CNRIP1: variants seen among roughly 807,000 people sequenced by gnomAD.
The protein encoded by CNRIP1 is cannabinoid receptor interacting protein 1, also known as CB1 cannabinoid receptor-interacting protein 1.
A neutral mutation model predicts 15.2 loss-of-function variants in CNRIP1; 10 were observed. The observed-to-expected ratio is 0.66, with a 90% confidence interval of 0.41 to 1.12. The LOEUF is 1.12. Among genes scored for constraint, CNRIP1 ranks in the 50% most tolerant of loss-of-function variants. The pLI is 0.00. For synonymous variants in CNRIP1, 91 were observed against 83.2 expected (o/e 1.09, Z -0.51); for missense variants, 211 against 214.7 (o/e 0.98, Z 0.11).
In CNRIP1 at chr2:68,293,181, C is replaced by T; in HGVS notation, c.*681G>A. 6 of 985,488 alleles carry T rather than the reference C, an allele frequency of 6.1e-6. No individual in the cohort carries two copies. Among genetic ancestry groups the T allele is most frequent in the Non-Finnish European group, 7.2e-6 (6 of 829,972 alleles). The allele number at this position is 985,488 out of a possible 1,614,324, so 61.0% of individuals were successfully genotyped here. ...CAACTCCTGTCACTTTAACAATGGT[C>T]CACAGCAATGCTTTTCCCCCATTTC... On this transcript the variant is annotated 3_prime_UTR_variant, in exon 3 of 3. Coordinates refer to ENST00000263655, the MANE Select transcript of CNRIP1 (RefSeq NM_015463.3).
intron 2 of CNRIP1, among the ~76,000 whole-genome samples, chr2:68,301,736 A>G (rs79590614): frequency 1.3e-5 from 2 of 152,034 alleles, no homozygotes; most frequent in Non-Finnish European, 2.9e-5. Context: ...CTAAAAATAC[A>G]AAAAAATTGG....
intron 2 of CNRIP1, chr2:68,316,840 T>A: frequency 3.6e-6 from 2 of 560,962 alleles, no homozygotes; most frequent in South Asian, 4.7e-5. Context: ...ATCAGAAACT[T>A]TTCACAGCCA....
chr2:68,306,444 A>G (rs1287103436), intron 2 of CNRIP1, among the ~76,000 whole-genome samples: 1 of 152,144 alleles, frequency 6.6e-6, no homozygotes, highest in Non-Finnish European at 1.5e-5. Flanking sequence ...GTATTCCACT[A>G]TCTAATCTCT....
downstream of CNRIP1, among the ~76,000 whole-genome samples, chr2:68,292,526 T>C (rs1671200795): frequency 6.6e-6 from 1 of 152,234 alleles, no homozygotes; most frequent in Non-Finnish European, 1.5e-5. Flanking sequence ...ATAGGATTTG[T>C]GCTGCCCAAG....
At chr2:68,312,472 T>C (rs1672129282) in intron 2 of CNRIP1, among the ~76,000 whole-genome samples, 1 of 152,158 alleles carries the variant, frequency 6.6e-6, no homozygotes, top group African/African-American at 2.4e-5. Flanking sequence ...TTTAACCTGA[T>C]AAAAAGATTT....
chr2:68,319,495 C>G lies in CNRIP1; in HGVS notation c.-95G>C. 1 of 1,301,448 alleles carries G rather than the reference C, an allele frequency of 7.7e-7. No individual in the cohort carries two copies. The highest frequency in any genetic ancestry group is 1.0e-6 in the Non-Finnish European group (1 of 985,034). 80.6% of individuals were successfully genotyped at this position (1,301,448 alleles called of 1,614,324 possible). ...GAGCGCGAGGGGCGGAGAGGAAGCGCGGGGAGGGTGAGGGAGGTGGTGGAG... is the reference window on the plus strand; with the variant it reads ...GAGCGCGAGGGGCGGAGAGGAAGCGGGGGGAGGGTGAGGGAGGTGGTGGAG... On this transcript the variant is annotated 5_prime_UTR_variant, in exon 1 of 3. Transcript: ENST00000263655.
chr2:68,285,668 A>AAAAAAAGAAAAG lies in CNRIP1; in HGVS notation c.331-1185_331-1184insCTTTTCTTTTTT, dbSNP rs539747999. On this transcript the variant is annotated intron_variant, in intron 2 of 2. Coordinates refer to the CNRIP1 transcript ENST00000409559. ...CAAGACCCTGTCTCAAAAAAAAAAAAAAAAGAAAAGAAAAGAAAAGAAAAG... is the reference window on the plus strand; with the variant it reads ...CAAGACCCTGTCTCAAAAAAAAAAAAAAAAAAGAAAAGAAAAGAAAAGAAAAGAAAAGAAAAG... 8.3e-3 allele frequency among the ~76,000 whole-genome samples: 1,034 copies of AAAAAAAGAAAAG among 124,408 alleles called. 20 individuals carry two copies. The highest frequency in any genetic ancestry group is 0.028 in the African/African-American group (923 of 32,788). 81.6% of individuals were successfully genotyped at this position (124,408 alleles called of 152,430 possible).
chr2:68,284,374 G>GAAA, exon 3 of CNRIP1: 49 of 971,542 alleles, frequency 5.0e-5, no homozygotes, highest in South Asian at 3.1e-4. Flanking sequence ...AAATAATTTG[G>GAAA]AAAAAAAAAA....
At chr2:68,298,379 C>T (rs1671466961) in intron 2 of CNRIP1, among the ~76,000 whole-genome samples, 1 of 151,942 alleles carries the variant, frequency 6.6e-6, no homozygotes, top group Non-Finnish European at 1.5e-5. Flanking sequence ...TTGAAGGAAG[C>T]AGCTTAAAAT....
intron 2 of CNRIP1, chr2:68,315,777 G>C (rs1672246535): frequency 6.6e-6 from 1 of 152,122 alleles, no homozygotes; most frequent in Non-Finnish European, 1.5e-5. Flanking sequence ...CTGGATCCAA[G>C]TGATCCTCCT....
intron 2 of CNRIP1, among the ~76,000 whole-genome samples, chr2:68,296,233 T>C (rs570898820): frequency 5.3e-5 from 8 of 152,318 alleles, no homozygotes; most frequent in Admixed American, 4.6e-4. Context: ...CAGAATACCA[T>C]GAAGAACATG....
downstream of CNRIP1, among the ~76,000 whole-genome samples, chr2:68,288,067 G>GGCCAGCCAGCCGGCCGGCCAGCCA (rs1553413469): frequency 1.3e-5 from 2 of 149,758 alleles, no homozygotes; most frequent in African/African-American, 2.5e-5. Flanking sequence ...GCAGCCGGCC[G>GGCCAGCCAGCCGGCCGGCCAGCCA]GCCAGCCAGC....
intron 2 of CNRIP1, 79 bp from the exon 3 acceptor site, chr2:68,294,105 G>T (rs1671260393): frequency 5.5e-6 from 8 of 1,447,838 alleles, no homozygotes; most frequent in Admixed American, 3.7e-5. Flanking sequence ...TAGTGATGTA[G>T]CTCCTGGATA....
intron 2 of CNRIP1, among the ~76,000 whole-genome samples, chr2:68,284,845 C>T (rs1053178929): frequency 2.0e-5 from 3 of 151,180 alleles, no homozygotes; most frequent in Middle Eastern, 3.4e-3. Flanking sequence ...AAAACCACAG[C>T]GAAGCGAATT....
intron 2 of CNRIP1, among the ~76,000 whole-genome samples, chr2:68,285,818 C>T (rs554056642): frequency 3.3e-5 from 5 of 152,234 alleles, no homozygotes; most frequent in African/African-American, 9.6e-5. Flanking sequence ...CAACCACTGC[C>T]GCTATCAGGA....
chr2:68,305,035 C>T (rs190169573), intron 2 of CNRIP1, among the ~76,000 whole-genome samples: 164 of 152,012 alleles, frequency 1.1e-3, no homozygotes, highest in African/African-American at 3.7e-3. Flanking sequence ...ACCTGAGGTT[C>T]GGAGTTTGAG....
rs1193303527 is a variant in CNRIP1, at chr2:68,319,326, G to A, written c.75C>T (p.Tyr25=). The A allele has an allele frequency of 6.4e-7, 1 of 1,566,974 alleles. No individual in the cohort carries two copies. The highest frequency in any genetic ancestry group is 8.7e-7 in the Non-Finnish European group (1 of 1,155,650). ...GGCCGAAGCGCTGCCCGTCCACCTT[G>A]TAAAAGACCGGGCCGTCATTAGGCT... ...RIQPNDGPVF[Y]KVDGQRFGQN... Residue 25 remains tyrosine, a synonymous_variant, in exon 1 of 3, where the codon TAC becomes TAT. Transcript: ENST00000263655.
At chr2:68,287,111 T>C (rs538933366) in intron 2 of CNRIP1, among the ~76,000 whole-genome samples, 4 of 152,204 alleles carry the variant, frequency 2.6e-5, no homozygotes, top group South Asian at 2.1e-4. Flanking sequence ...CTTCTCCTAA[T>C]CCATATTGTG....
At chr2:68,288,067 GGCCAGCCAGCCA>G (rs70949693), downstream of CNRIP1, among the ~76,000 whole-genome samples, 3 of 149,880 alleles carry the variant, frequency 2.0e-5, no homozygotes, top group South Asian at 2.1e-4. Context: ...GCAGCCGGCC[GGCCAGCCAGCCA>G]GCCAGCCAGC....
Sources: gnomAD v4.1 joint callset for allele counts (sites outside exome capture counted in the v4.1 genomes callset) on GRCh38, gnomAD v4.1.1 for gene constraint, MANE v1.5 for transcripts, NCBI Gene and HGNC (gene_info 2026-07-23, HGNC 2026-07-21) for gene names.